Variants in GLIS1 observed in about 807,000 individuals in gnomAD.
GLIS1 encodes zinc finger protein GLIS1.
In GLIS1, 24 loss-of-function variants were observed where a neutral mutation model predicts 63.8. The observed-to-expected ratio is 0.38, with a 90% CI of 0.27 to 0.53. The LOEUF is 0.53. Among genes scored for constraint, GLIS1 ranks in the 20% least tolerant of loss-of-function variants. The probability of loss-of-function intolerance (pLI) is 0.85; values close to 1 mark genes in which losing one functional copy is unlikely to be tolerated. For synonymous variants in GLIS1, 450 were observed against 482.5 expected (o/e 0.93, Z 0.88); for missense variants, 1,036 against 1,074.1 (o/e 0.96, Z 0.50).
chr1:53,661,775 G>A (rs1443758369), intron 2 of GLIS1, among the ~76,000 whole-genome samples: 3 of 152,204 alleles, frequency 2.0e-5, no homozygotes, highest in Non-Finnish European at 4.4e-5. Flanking sequence ...GCAAGTAGCA[G>A]GGATGGTGGG....
intron 2 of GLIS1, among the ~76,000 whole-genome samples, chr1:53,684,619 C>T (rs1476402673): frequency 1.5e-5 from 2 of 133,974 alleles, no homozygotes; most frequent in African/African-American, 6.4e-5. Flanking sequence ...CTGTCACTAC[C>T]TCAAATCAAG....
Position 53,514,716 on chromosome 1 carries a change from C to A in GLIS1, c.1792G>T (p.Asp598Tyr), listed in dbSNP as rs41313369. The change falls in exon 8 of 11, where the codon GAC becomes TAC. Residue 598 changes from aspartate (D) to tyrosine (Y), a missense_variant. Physicochemically the swap from Asp to Tyr is radical, Grantham distance 160. Around this residue, in one of 3 missense-constraint regions of GLIS1, gnomAD observed 400 missense variants for 400.9 expected, o/e 1.00. Transcript: ENST00000628545. ...LASGLLPPAH[D>Y]VPSRHHPLDA... ...AGCGGGTGGTGCCTGGAAGGTACGT[C>A]GTGCGCTGGGGGCAGGAGGCCCGAT... is the stretch of plus-strand genomic sequence containing the variant. 2 of 1,613,062 alleles carry A rather than the reference C, an allele frequency of 1.2e-6. No homozygotes were observed. The highest frequency in any genetic ancestry group is 1.7e-5 in the Admixed American group (1 of 59,908).
At chr1:53,620,896 GA>G (rs2100595698) in intron 2 of GLIS1, among the ~76,000 whole-genome samples, 1 of 152,354 alleles carries the variant, frequency 6.6e-6, no homozygotes, top group South Asian at 2.1e-4. Flanking sequence ...CTGAGAAAGA[GA>G]AATGGGCTCC....
intron 2 of GLIS1, among the ~76,000 whole-genome samples, chr1:53,694,085 GC>G (rs1222792688): frequency 6.6e-6 from 1 of 152,208 alleles, no homozygotes; most frequent in Non-Finnish European, 1.5e-5. Context: ...CCACACAGGT[GC>G]CCAGTGCTGC....
At chr1:53,692,721 G>A (rs1646419966) in intron 2 of GLIS1, among the ~76,000 whole-genome samples, 1 of 152,238 alleles carries the variant, frequency 6.6e-6, no homozygotes, top group African/African-American at 2.4e-5. Flanking sequence ...GGCTTGGCTA[G>A]AAGTTGGCTG....
Position 53,509,968 on chromosome 1 carries a change from G to A in GLIS1, c.1943C>T (p.Pro648Leu), listed in dbSNP as rs369793987. The A allele has an allele frequency of 2.2e-5, 29 of 1,295,596 alleles. 1 individual carries two copies. In the African/African-American group the frequency reaches 3.8e-4, roughly 17 times the overall value. The allele number at this position is 1,295,596 out of a possible 1,614,324, so 80.3% of individuals were successfully genotyped here. The change falls in exon 9 of 11, where the codon CCG becomes CTG. Residue 648 changes from proline (P) to leucine (L), a missense_variant. Transcript: ENST00000628545. ...VSPLKGLGPP[P>L]LPPSSQSHSP... Reference sequence around the variant, plus strand: ...ATGGCTCTGAGAGGATGGGGGCAGCGGCGGTGGCCCCAGCCCCTTCAGGGG... The same window carrying A: ...ATGGCTCTGAGAGGATGGGGGCAGCAGCGGTGGCCCCAGCCCCTTCAGGGG...
intron 6 of GLIS1, among the ~76,000 whole-genome samples, chr1:53,521,014 C>T (rs111916562): frequency 2.0e-5 from 3 of 152,178 alleles, no homozygotes; most frequent in African/African-American, 7.2e-5. Context: ...GGGAGACGTG[C>T]CATCTGTGAA....
In GLIS1 at chr1:53,514,226, C is replaced by T. The variant is rs553526182; in HGVS notation, c.1883+399G>A. ...CCCAGACCAGCGTCTGTGGAGTGCG[C>T]GCAGTGGGCAGTCTGCTCCCAAATG... On this transcript the variant is annotated intron_variant, in intron 8 of 10. Coordinates refer to ENST00000628545, the MANE Select transcript of GLIS1 (RefSeq NM_001367484.1). Among the ~76,000 whole-genome samples, 14 of 152,266 alleles carry T rather than the reference C, an allele frequency of 9.2e-5. No homozygotes were observed. In the South Asian group the frequency reaches 2.7e-3, roughly 29 times the overall value.
intron 2 of GLIS1, among the ~76,000 whole-genome samples, chr1:53,703,960 C>T (rs926703869): frequency 1.3e-5 from 2 of 152,222 alleles, no homozygotes; most frequent in Non-Finnish European, 2.9e-5. Flanking sequence ...CTGATCCCTC[C>T]ACAACCAAAA....
chr1:53,691,001 G>A (rs1305738675), intron 2 of GLIS1, among the ~76,000 whole-genome samples: 1 of 152,176 alleles, frequency 6.6e-6, no homozygotes, highest in African/African-American at 2.4e-5. Context: ...CAGGGATGAA[G>A]CAAACCCAGG....
At chr1:53,559,435 A>G (rs900039693) in intron 4 of GLIS1, among the ~76,000 whole-genome samples, 6 of 151,942 alleles carry the variant, frequency 3.9e-5, no homozygotes, top group African/African-American at 1.5e-4. Context: ...TCCTCCCTCC[A>G]CTGTGGTCAG....
intron 2 of GLIS1, among the ~76,000 whole-genome samples, chr1:53,661,002 C>G (rs1195893684): frequency 6.6e-6 from 1 of 152,222 alleles, no homozygotes; most frequent in African/African-American, 2.4e-5. Flanking sequence ...CACCACCCGT[C>G]CACTGAGTGG....
At chr1:53,543,738 T>C (rs1644668707) in intron 4 of GLIS1, among the ~76,000 whole-genome samples, 1 of 151,516 alleles carries the variant, frequency 6.6e-6, no homozygotes, top group South Asian at 2.1e-4. Context: ...TGGAAAGTTC[T>C]GGAAGGGTGT....
chr1:53,615,755 TA>T (rs879672602), intron 2 of GLIS1, among the ~76,000 whole-genome samples: 704 of 33,542 alleles, frequency 0.021, 29 homozygotes, highest in Admixed American at 0.21. Flanking sequence ...ATTTTATTTT[TA>T]TTTTTTTTGG....
At chr1:53,527,743 A>G (rs965780436) in intron 5 of GLIS1, among the ~76,000 whole-genome samples, 13 of 152,368 alleles carry the variant, frequency 8.5e-5, no homozygotes, top group East Asian at 5.8e-4. Context: ...CTAGCAACAC[A>G]GAGCTGCCTG....
intron 2 of GLIS1, among the ~76,000 whole-genome samples, chr1:53,665,780 CA>C (rs1172357363): frequency 6.6e-6 from 1 of 152,136 alleles, no homozygotes; most frequent in Non-Finnish European, 1.5e-5. Context: ...TTCAAGCAAA[CA>C]AAGTATTTTA....
At chr1:53,525,535 C>T (rs957427829) in intron 5 of GLIS1, among the ~76,000 whole-genome samples, 1 of 140,326 alleles carries the variant, frequency 7.1e-6, no homozygotes, top group Non-Finnish European at 1.6e-5. Context: ...CAAGTCTCTT[C>T]CCCTCAGGCC....
chr1:53,589,475 C>T (rs1169658076), intron 4 of GLIS1, among the ~76,000 whole-genome samples: 1 of 152,160 alleles, frequency 6.6e-6, no homozygotes, highest in African/African-American at 2.4e-5. Context: ...GGGGAATGAC[C>T]GTGAGTTTGG....
chr1:53,592,610 C>G (rs370982226), intron 4 of GLIS1, among the ~76,000 whole-genome samples: 14 of 152,240 alleles, frequency 9.2e-5, no homozygotes, highest in African/African-American at 3.4e-4. Context: ...GGACCCCAAA[C>G]AAGCCAGAGC....
Sources: gnomAD v4.1 joint callset for allele counts (sites outside exome capture counted in the v4.1 genomes callset) on GRCh38, gnomAD v4.1.1 for gene constraint, gnomAD v4.1.1 regional missense constraint, MANE v1.5 for transcripts, NCBI Gene and HGNC (gene_info 2026-07-23, HGNC 2026-07-21) for gene names.